The following TMEM135 variants were observed in gnomAD, a reference collection of about 807,000 sequenced individuals.
TMEM135 encodes transmembrane protein 135, also known as peroxisomal membrane protein 52.
TMEM135 carries 30 observed loss-of-function variants against 60.3 expected under a neutral mutation model. The ratio of observed to expected loss-of-function variants is 0.50; its 90% CI spans 0.37 to 0.68. The LOEUF (loss-of-function observed/expected upper bound fraction) is 0.68. Ranked by LOEUF, TMEM135 falls within the 30% of genes least tolerant of loss-of-function variation. The pLI is 0.00. For synonymous variants in TMEM135, 190 were observed against 186.7 expected (o/e 1.02, Z -0.14); for missense variants, 468 against 548.8 (o/e 0.85, Z 1.47).
intron 5 of TMEM135, among the ~76,000 whole-genome samples, chr11:87,208,864 C>A (rs569884442): frequency 1.3e-5 from 2 of 152,264 alleles, no homozygotes; most frequent in African/African-American, 4.8e-5. Context: ...TAACAGTGGA[C>A]CTTTCAGGAG....
At chr11:87,199,879 G>A (rs1033483738) in intron 5 of TMEM135, among the ~76,000 whole-genome samples, 11 of 152,096 alleles carry the variant, frequency 7.2e-5, no homozygotes, top group African/African-American at 2.4e-4. Context: ...GCAGTGAATC[G>A]AGATCATGCC....
chr11:87,069,836 C>T (rs1021588603), intron 2 of TMEM135, among the ~76,000 whole-genome samples: 1 of 152,084 alleles, frequency 6.6e-6, no homozygotes, highest in Admixed American at 6.6e-5. Context: ...TACATGTCCT[C>T]AATAGCTTTT....
intron 2 of TMEM135, 71 bp downstream of exon 2, chr11:87,067,892 C>A: frequency 1.3e-6 from 2 of 1,576,470 alleles, no homozygotes; most frequent in Non-Finnish European, 8.7e-7. Context: ...TATGTGTTTA[C>A]ATAAATGTTA....
intron 5 of TMEM135, 100 bp from the exon 6 acceptor site, chr11:87,236,538 T>G: frequency 1.0e-6 from 1 of 976,612 alleles, no homozygotes; most frequent in South Asian, 1.3e-5. Flanking sequence ...ATCCTTTTAT[T>G]GTTTCAGGCA....
chr11:87,237,185 G>A (rs1941016591), intron 6 of TMEM135, among the ~76,000 whole-genome samples: 1 of 151,974 alleles, frequency 6.6e-6, no homozygotes, highest in Admixed American at 6.6e-5. Flanking sequence ...CTGGTCTCAG[G>A]TTTGTTGGGG....
intron 5 of TMEM135, among the ~76,000 whole-genome samples, chr11:87,203,032 C>CAAAAAAAAAAAAAAAAAAAAA (rs534909524): frequency 8.9e-5 from 3 of 33,592 alleles, no homozygotes; most frequent in African/African-American, 2.6e-4. Context: ...GACTCCGTCT[C>CAAAAAAAAAAAAAAAAAAAAA]AAAAAAAAAA....
chr11:87,282,885 T>C (rs1285485173), intron 6 of TMEM135, among the ~76,000 whole-genome samples: 3 of 152,246 alleles, frequency 2.0e-5, no homozygotes, highest in Non-Finnish European at 4.4e-5. Flanking sequence ...TTCTATGGGC[T>C]AGCAAGATTC....
Position 87,143,559 on chromosome 11 carries a change from T to C in TMEM135, c.397-13782T>C, listed in dbSNP as rs550774849. ...TTTCTTTCACCTGAGCTGTGTGCAG[T>C]TGCAGAACATAACTTAGTGAAAGGT... On this transcript the variant is annotated intron_variant, in intron 4 of 14. Transcript: ENST00000305494. 1.4e-3 allele frequency among the ~76,000 whole-genome samples: 216 copies of C among 152,306 alleles called. 2 individuals are homozygous for C. Among genetic ancestry groups the C allele is most frequent in the African/African-American group, 5.0e-3 (208 of 41,562 alleles).
intron 6 of TMEM135, among the ~76,000 whole-genome samples, chr11:87,292,156 G>A (rs534854220): frequency 1.1e-4 from 16 of 152,156 alleles, no homozygotes; most frequent in Non-Finnish European, 1.8e-4. Flanking sequence ...ACCTCTCGGA[G>A]AGGCTCTTCT....
intron 3 of TMEM135, among the ~76,000 whole-genome samples, chr11:87,084,568 A>G (rs1857056884): frequency 6.6e-6 from 1 of 152,136 alleles, no homozygotes; most frequent in Admixed American, 6.5e-5. Context: ...AAGTGCTGGG[A>G]TTACATGTAT....
chr11:87,042,165 C>A (rs116548852), intron 1 of TMEM135, among the ~76,000 whole-genome samples: 2 of 152,178 alleles, frequency 1.3e-5, no homozygotes, highest in African/African-American at 2.4e-5. Context: ...TTAGGTTCAA[C>A]GAAGTATAGA....
chr11:87,288,490 T>G (rs1232718981), intron 6 of TMEM135, among the ~76,000 whole-genome samples: 4 of 152,204 alleles, frequency 2.6e-5, no homozygotes, highest in African/African-American at 9.6e-5. Flanking sequence ...ATGTTTGGTT[T>G]TATTCTTGGG....
At chr11:87,320,390 A>T (rs1472200005) in intron 14 of TMEM135, among the ~76,000 whole-genome samples, 1 of 152,098 alleles carries the variant, frequency 6.6e-6, no homozygotes, top group Non-Finnish European at 1.5e-5. Context: ...ATTTTTTGTC[A>T]TTTAGTTTTC....
At chr11:87,247,847 G>A (rs1941321981) in intron 6 of TMEM135, among the ~76,000 whole-genome samples, 1 of 151,996 alleles carries the variant, frequency 6.6e-6, no homozygotes, top group Admixed American at 6.5e-5. Context: ...GCTTGCGTAT[G>A]TTGCCCTGCA....
intron 5 of TMEM135, among the ~76,000 whole-genome samples, chr11:87,194,329 A>G (rs998058719): frequency 6.6e-6 from 1 of 152,210 alleles, no homozygotes; most frequent in African/African-American, 2.4e-5. Context: ...AAGCACTCTT[A>G]CTTATGCTAA....
intron 5 of TMEM135, among the ~76,000 whole-genome samples, chr11:87,204,514 A>G (rs1940192644): frequency 6.6e-6 from 1 of 152,182 alleles, no homozygotes; most frequent in Non-Finnish European, 1.5e-5. Context: ...CTAATAGCCT[A>G]CTGTGGACCA....
chr11:87,094,388 A>G (rs1359269231), intron 4 of TMEM135, among the ~76,000 whole-genome samples: 2 of 151,976 alleles, frequency 1.3e-5, no homozygotes, highest in African/African-American at 4.8e-5. Flanking sequence ...TATATTTCTC[A>G]TTTTGTTATA....
chr11:87,224,576 A>G (rs1940725890), intron 5 of TMEM135, among the ~76,000 whole-genome samples: 2 of 152,168 alleles, frequency 1.3e-5, no homozygotes, highest in Admixed American at 6.6e-5. Context: ...GTTAATGGGA[A>G]TACCACCCTT....
chr11:87,285,625 G>A (rs1416610448), intron 6 of TMEM135, among the ~76,000 whole-genome samples: 4 of 152,170 alleles, frequency 2.6e-5, no homozygotes, highest in South Asian at 2.1e-4. Context: ...GCAGACCTTT[G>A]CAGTAAGTGT....
Sources: allele counts gnomAD v4.1 joint callset (sites outside exome capture counted in the v4.1 genomes callset), GRCh38; gene constraint gnomAD v4.1.1; transcripts MANE v1.5; gene names NCBI Gene and HGNC (gene_info 2026-07-23, HGNC 2026-07-21).